Variants in MBD5 observed in about 807,000 individuals in gnomAD.
MBD5 encodes the protein methyl-CpG binding domain protein 5, also known as methyl-CpG-binding domain protein 5.
In MBD5, 13 loss-of-function variants were observed where a neutral mutation model predicts 117.3. The ratio of observed to expected loss-of-function variants is 0.11; its 90% CI spans 0.07 to 0.18. MBD5 has a LOEUF of 0.18. Among genes scored for constraint, MBD5 ranks in the 10% least tolerant of loss-of-function variants. MBD5 has a pLI of 1.00. For synonymous variants in MBD5, 727 were observed against 766.4 expected, an observed-to-expected ratio of 0.95 and a Z score of 0.85; for missense variants, 1,879 against 2,093.8, an observed-to-expected ratio of 0.90 and a Z score of 2.00.
At chr2:148,082,883 T>G (rs957689660) in intron 1 of MBD5, among the ~76,000 whole-genome samples, 2 of 152,226 alleles carry the variant, frequency 1.3e-5, no homozygotes, top group African/African-American at 2.4e-5. Flanking sequence ...AAAAGTATTA[T>G]TAATAATTAT....
intron 2 of MBD5, among the ~76,000 whole-genome samples, chr2:148,181,471 A>G (rs1558961556): frequency 2.0e-5 from 3 of 152,216 alleles, no homozygotes; most frequent in Non-Finnish European, 4.4e-5. Flanking sequence ...TGGTCTTTAC[A>G]GACTCCAGCA....
intron 7 of MBD5, among the ~76,000 whole-genome samples, chr2:148,467,009 A>G (rs1707285802): frequency 1.3e-5 from 2 of 152,188 alleles, no homozygotes; most frequent in African/African-American, 4.8e-5. Flanking sequence ...TTGCAAATGA[A>G]TGTAACTCTA....
chr2:148,381,268 C>T (rs1471319445), intron 4 of MBD5, among the ~76,000 whole-genome samples: 3 of 152,062 alleles, frequency 2.0e-5, no homozygotes, highest in Non-Finnish European at 4.4e-5. Context: ...CAGAGAAGTC[C>T]TTAAAGGAAC....
At position 148,127,583 on chromosome 2, in the gene MBD5, T is replaced by C. The variant is rs183085145; in HGVS notation, c.-924-51117T>C. ...CATGATCTTCCTTTCTACGCCTGCA[T>C]CGTATTCCATGGTATATATGTACCA... is the stretch of plus-strand genomic sequence containing the variant. On this transcript the variant is annotated intron_variant, in intron 1 of 13. Coordinates refer to ENST00000642680, the MANE Select transcript of MBD5 (RefSeq NM_001378120.1). Among the ~76,000 whole-genome samples the C allele has an allele frequency of 4.6e-5, 7 of 152,330 alleles. No homozygotes were observed. The East Asian group carries it at 1.4e-3, about 29-fold the overall frequency.
At chr2:148,486,750 A>G (rs1681352389) in intron 10 of MBD5, among the ~76,000 whole-genome samples, 1 of 152,376 alleles carries the variant, frequency 6.6e-6, no homozygotes, top group East Asian at 1.9e-4. Context: ...AATCAGAGTT[A>G]CATAAATTAT....
chr2:148,066,546 G>A (rs549952642), intron 1 of MBD5, among the ~76,000 whole-genome samples: 1 of 150,498 alleles, frequency 6.6e-6, no homozygotes, highest in Non-Finnish European at 1.5e-5. Flanking sequence ...GAGTGCAATG[G>A]CATAATCTCA....
intron 1 of MBD5, among the ~76,000 whole-genome samples, chr2:148,125,850 T>C (rs12469593): frequency 0.025 from 3,735 of 152,288 alleles, 55 homozygotes; most frequent in South Asian, 0.049. Flanking sequence ...TGCTATAAAA[T>C]GTTTTGTTTC....
intron 4 of MBD5, among the ~76,000 whole-genome samples, chr2:148,448,235 C>G (rs978137829): frequency 6.6e-6 from 1 of 152,096 alleles, no homozygotes; most frequent in Non-Finnish European, 1.5e-5. Flanking sequence ...ATTATATGCT[C>G]TTTGGGCTCC....
rs1190393468 is a variant in MBD5, at chr2:148,177,498, T to C, written c.-924-1202T>C. Among the ~76,000 whole-genome samples the C allele has an allele frequency of 2.0e-5, 3 of 152,312 alleles. No homozygotes were observed. The East Asian group carries it at 5.8e-4, about 29-fold the overall frequency. ...ACATGGTCATTGAGGTATGTTTGTGTGTATCATGGAAGCTTTCAAATCATT... is the reference window on the plus strand; with the variant it reads ...ACATGGTCATTGAGGTATGTTTGTGCGTATCATGGAAGCTTTCAAATCATT... On this transcript the variant is annotated intron_variant, in intron 1 of 13. Transcript: ENST00000642680.
intron 1 of MBD5, among the ~76,000 whole-genome samples, chr2:148,080,695 G>A (rs1695627217): frequency 6.6e-6 from 1 of 151,980 alleles, no homozygotes; most frequent in African/African-American, 2.4e-5. Context: ...AATTTAAAAG[G>A]AAATAAAATT....
intron 1 of MBD5, among the ~76,000 whole-genome samples, chr2:148,062,748 A>T (rs1695074475): frequency 1.3e-5 from 2 of 152,186 alleles, no homozygotes; most frequent in Admixed American, 1.3e-4. Context: ...CTTTGCCAAC[A>T]TACTGTTTTA....
chr2:148,339,010 G>A (rs1203202730), intron 3 of MBD5, among the ~76,000 whole-genome samples: 1 of 152,172 alleles, frequency 6.6e-6, no homozygotes, highest in African/African-American at 2.4e-5. Flanking sequence ...ACAACGTGGA[G>A]AGAAGCTAAA....
At chr2:148,334,853 T>C (rs528221733) in intron 3 of MBD5, among the ~76,000 whole-genome samples, 20 of 152,198 alleles carry the variant, frequency 1.3e-4, no homozygotes, top group African/African-American at 4.8e-4. Context: ...AAGTGGGAAA[T>C]TGTATATCCA....
At position 148,463,763 on chromosome 2, in the gene MBD5, G is replaced by T. The variant is rs1375700378; in HGVS notation, c.241G>T (p.Ala81Ser). Reference sequence around the variant, plus strand: ...GGTATTTAATTTTGATCCTGGAGCTGCTGTGAAACAGAGAACCGCAGAAGA... The same window carrying T: ...GGTATTTAATTTTGATCCTGGAGCTTCTGTGAAACAGAGAACCGCAGAAGA... ...PKVFNFDPGAAVKQRTAEDVK... is the reference protein window; with the variant it reads ...PKVFNFDPGASVKQRTAEDVK... Residue 81 changes from alanine (A) to serine (S), a missense_variant, in exon 7 of 14, where the codon GCT becomes TCT. Around this residue, in one of 4 missense-constraint regions of MBD5, gnomAD observed 71 missense variants for 129.2 expected, o/e 0.55. Transcript: ENST00000642680. The T allele has an allele frequency of 6.2e-7, 1 of 1,613,652 alleles. No individual in the cohort carries two copies. Among genetic ancestry groups the T allele is most frequent in the Admixed American group, 1.7e-5 (1 of 59,976 alleles).
intron 3 of MBD5, among the ~76,000 whole-genome samples, chr2:148,275,049 T>A (rs1023897836): frequency 2.0e-5 from 3 of 152,124 alleles, no homozygotes; most frequent in Non-Finnish European, 4.4e-5. Context: ...TACATATGGT[T>A]GTGTGAGAGA....
intron 12 of MBD5, among the ~76,000 whole-genome samples, chr2:148,505,196 C>T (rs1213600252): frequency 6.6e-6 from 1 of 152,130 alleles, no homozygotes; most frequent in Non-Finnish European, 1.5e-5. Flanking sequence ...CTCAGGTTTT[C>T]AGCTTGGGAG....
intron 4 of MBD5, among the ~76,000 whole-genome samples, chr2:148,352,021 A>T (rs1326244368): frequency 5.8e-4 from 88 of 152,060 alleles, no homozygotes; most frequent in Admixed American, 5.6e-3. Context: ...CAGAAATGAG[A>T]GGAGCTTGGG....
intron 2 of MBD5, among the ~76,000 whole-genome samples, chr2:148,227,182 C>G (rs1050069275): frequency 5.3e-5 from 8 of 152,162 alleles, no homozygotes; most frequent in African/African-American, 1.9e-4. Context: ...ACAGGAAGTC[C>G]TTGCCCATGC....
At chr2:148,455,505 G>A (rs1387171415) in intron 4 of MBD5, among the ~76,000 whole-genome samples, 1 of 152,066 alleles carries the variant, frequency 6.6e-6, no homozygotes, top group Non-Finnish European at 1.5e-5. Context: ...CTGAGATTGG[G>A]CCTGTGAATC....
Sources: gnomAD v4.1 joint callset for allele counts (sites outside exome capture counted in the v4.1 genomes callset) on GRCh38, gnomAD v4.1.1 for gene constraint, gnomAD v4.1.1 regional missense constraint, MANE v1.5 for transcripts, NCBI Gene and HGNC (gene_info 2026-07-23, HGNC 2026-07-21) for gene names.